The following PAIP2 variants were observed in gnomAD, a reference collection of about 807,000 sequenced individuals.
The protein encoded by PAIP2 is polyadenylate-binding protein-interacting protein 2.
PAIP2 carries 7 observed loss-of-function variants against 14.8 expected under a neutral mutation model. That is an observed-to-expected ratio of 0.47 (90% CI 0.27 to 0.89). The LOEUF (loss-of-function observed/expected upper bound fraction) is 0.89, where lower values mean the gene tolerates loss of function less well. Among genes scored for constraint, PAIP2 ranks in the 40% least tolerant of loss-of-function variants. PAIP2 has a pLI of 0.13. For synonymous variants in PAIP2, 47 were observed against 45.3 expected, an observed-to-expected ratio of 1.04 and a Z score of -0.15; for missense variants, 122 against 154.7, an observed-to-expected ratio of 0.79 and a Z score of 1.12.
At chr5:139,362,923 G>A (rs988432792) in intron 1 of PAIP2, among the ~76,000 whole-genome samples, 10 of 152,104 alleles carry the variant, frequency 6.6e-5, no homozygotes, top group Admixed American at 3.9e-4. Context: ...AGCAACTGAT[G>A]GACTTCATTT....
intron 1 of PAIP2, among the ~76,000 whole-genome samples, chr5:139,356,446 G>T (rs1756914969): frequency 6.6e-6 from 1 of 152,062 alleles, no homozygotes; most frequent in East Asian, 1.9e-4. Context: ...AACACTCCTC[G>T]TCAAAAATAA....
In PAIP2 at chr5:139,359,815, C is replaced by A. The variant is rs1212554107; in HGVS notation, c.-26-3944C>A. Among the ~76,000 whole-genome samples the A allele has an allele frequency of 4.0e-5, 6 of 151,110 alleles. No individual in the cohort carries two copies. The East Asian group carries it at 1.0e-3, about 26-fold the overall frequency. On this transcript the variant is annotated intron_variant, in intron 1 of 3. Coordinates refer to ENST00000265192, the MANE Select transcript of PAIP2 (RefSeq NM_016480.5). ...TGAAACCCTGTCTCTACTAAAAATA[C>A]AAAAAAATTAGCCGGCCATGGTGGC...
chr5:139,348,712 CTT>C (rs1367390763), intron 1 of PAIP2, among the ~76,000 whole-genome samples: 1 of 143,744 alleles, frequency 7.0e-6, no homozygotes, highest in African/African-American at 2.6e-5. Flanking sequence ...GAGTTTCACT[CTT>C]ATTGCTTAGG....
intron 3 of PAIP2, chr5:139,367,696 G>T (rs1484676505): frequency 6.6e-6 from 1 of 151,616 alleles, no homozygotes. Flanking sequence ...GGATTCTAAA[G>T]TAAAATCAGC....
chr5:139,364,465 T>A, intron 2 of PAIP2, 99 bp from the exon 3 acceptor site: 1 of 651,274 alleles, frequency 1.5e-6, no homozygotes, highest in Non-Finnish European at 2.5e-6. Flanking sequence ...AAAGAAAGTA[T>A]GACTTTGTGC....
intron 1 of PAIP2, among the ~76,000 whole-genome samples, chr5:139,360,814 T>C (rs1757048606): frequency 6.6e-6 from 1 of 151,940 alleles, no homozygotes. Context: ...AGGGTCTTGC[T>C]TTCTTGCCCA....
At position 139,363,635 on chromosome 5, in the gene PAIP2, C is replaced by CTGG. The variant is rs1757135922; in HGVS notation, c.-26-124_-26-123insTGG. Reference sequence around the variant, plus strand: ...TACTTGGGAGGCTGAGGCAAGAGATCGAGGCTGTGGTGAGCCATGATCACA... The same window carrying CTGG: ...TACTTGGGAGGCTGAGGCAAGAGATCTGGGAGGCTGTGGTGAGCCATGATCACA... On this transcript the variant is annotated intron_variant, in intron 1 of 3. Transcript: ENST00000265192. The CTGG allele has an allele frequency of 6.5e-5, 48 of 733,100 alleles. No individual in the cohort carries two copies. The African/African-American group carries it at 8.1e-4, about 12-fold the overall frequency. The allele number at this position is 733,100 out of a possible 1,614,324, so 45.4% of individuals were successfully genotyped here. A position where few individuals can be genotyped will look rare whatever the true frequency, so the allele number is the denominator to read the frequency against.
rs1183378373 is a variant in PAIP2, at chr5:139,368,758, C to T, written c.344C>T (p.Ala115Val). 2 of 1,613,270 alleles carry T rather than the reference C, an allele frequency of 1.2e-6. No homozygotes were observed. The highest frequency in any genetic ancestry group is 2.7e-5 in the African/African-American group (2 of 74,834). The stretch of plus-strand genomic sequence containing the variant: ...GTCAAGAGCAATCTGAATCCAAATG[C>T]AAAGGAGTTTGTTCCTGGGGTGAAG... The part of the protein sequence containing the change: ...LVVKSNLNPN[A>V]KEFVPGVKYG... Residue 115 changes from alanine (A) to valine (V), a missense_variant, in exon 4 of 4, where the codon GCA (alanine) becomes GTA (valine). This residue lies in a region of PAIP2 where 46 missense variants were observed against 44.0 expected (regional missense o/e 1.05). Transcript: ENST00000265192.
rs371548085 is a variant in PAIP2 at position 139,363,849 on chromosome 5, G to T, written c.65G>T (p.Gly22Val). 1.9e-6 allele frequency: 3 copies of T among 1,613,574 alleles called. No individual in the cohort carries two copies. The highest frequency in any genetic ancestry group is 2.5e-6 in the Non-Finnish European group (3 of 1,179,578). The change falls in exon 2 of 4, where the codon GGT becomes GTT. Residue 22 changes from glycine (G) to valine (V), a missense_variant. Gly to Val is a moderately radical substitution (Grantham distance 109). Transcript: ENST00000265192. ...ATCAATGAAGATGTGATTATTAACG[G>T]TCATTCTCATGAAGATGACAATCCA... ...SIINEDVIIN[G>V]HSHEDDNPFA...
intron 1 of PAIP2, among the ~76,000 whole-genome samples, chr5:139,360,266 A>C (rs1038774112): frequency 3.3e-5 from 5 of 151,294 alleles, no homozygotes; most frequent in Non-Finnish European, 7.4e-5. Flanking sequence ...CACCCAGTCT[A>C]ATTATTTTCT....
In PAIP2 at chr5:139,345,034, T is replaced by TTTG. The variant is rs369393131; in HGVS notation, c.-27+3078_-27+3080dup. Among the ~76,000 whole-genome samples the TTTG allele has an allele frequency of 4.1e-3, 629 of 151,752 alleles. 3 individuals are homozygous for TTTG. Among genetic ancestry groups the TTTG allele is most frequent in the South Asian group, 7.5e-3 (36 of 4,780 alleles). On this transcript the variant is annotated intron_variant, in intron 1 of 3. Coordinates refer to ENST00000265192, the MANE Select transcript of PAIP2 (RefSeq NM_016480.5). ...AGCCTGGTTCCAGAGCCCATGGGTT[T>TTTG]TTGTTGTTGTTGTTGTTGTTGTTGT...
intron 1 of PAIP2, among the ~76,000 whole-genome samples, chr5:139,357,817 C>T (rs937417069): frequency 1.3e-5 from 2 of 152,204 alleles, no homozygotes; most frequent in Admixed American, 6.5e-5. Context: ...GGCAACAGAG[C>T]GAGATTCCAT....
chr5:139,350,997 A>G (rs940481396), intron 1 of PAIP2, among the ~76,000 whole-genome samples: 47 of 152,178 alleles, frequency 3.1e-4, no homozygotes, highest in Non-Finnish European at 2.4e-4. Flanking sequence ...TAAAAACTTG[A>G]AACTATAAAA....
In PAIP2 at chr5:139,364,723, T is replaced by C. The variant is rs1240092236; in HGVS notation, c.298T>C (p.Ser100Pro). 1 of 1,605,820 alleles carries C rather than the reference T, an allele frequency of 6.2e-7. No homozygotes were observed. Among genetic ancestry groups the C allele is most frequent in the South Asian group, 1.1e-5 (1 of 89,082 alleles). The change falls in exon 3 of 4, where the codon TCT becomes CCT. Residue 100 changes from serine to proline, a missense_variant. Physicochemically the swap from Ser to Pro is moderately conservative, Grantham distance 74. Coordinates refer to ENST00000265192, the MANE Select transcript of PAIP2 (RefSeq NM_016480.5). ...QFNDLVISDG[S>P]SLEDLVVKSN... ...TAATGACCTTGTTATCAGTGATGGC[T>C]CTTCTCTGGAAGATCTTGTGGTAAA...
At chr5:139,352,822 T>C (rs896247128) in intron 1 of PAIP2, among the ~76,000 whole-genome samples, 26 of 151,406 alleles carry the variant, frequency 1.7e-4, no homozygotes, top group African/African-American at 6.3e-4. Flanking sequence ...AAAGATAAGA[T>C]AGTAACAGAT....
chr5:139,350,209 A>G (rs912212273), intron 1 of PAIP2, among the ~76,000 whole-genome samples: 7 of 151,772 alleles, frequency 4.6e-5, no homozygotes, highest in African/African-American at 1.7e-4. Context: ...TCCTTATGAG[A>G]CAGAAATTCT....
intron 1 of PAIP2, among the ~76,000 whole-genome samples, chr5:139,357,416 T>C (rs759783035): frequency 7.0e-4 from 107 of 152,356 alleles, no homozygotes; most frequent in African/African-American, 2.3e-3. Context: ...ATTGCTACTA[T>C]ATTTACCCTT....
At chr5:139,367,095 A>C (rs1256611221) in intron 3 of PAIP2, 1 of 152,162 alleles carries the variant, frequency 6.6e-6, no homozygotes, top group East Asian at 1.9e-4. Context: ...TTTTTTTCTT[A>C]AACTTCACAC....
chr5:139,359,077 T>C (rs1756997979), intron 1 of PAIP2, among the ~76,000 whole-genome samples: 1 of 152,198 alleles, frequency 6.6e-6, no homozygotes, highest in South Asian at 2.1e-4. Flanking sequence ...CGGGCTAATA[T>C]GATCTTCCCA....
Sources: gnomAD v4.1 joint callset for allele counts (sites outside exome capture counted in the v4.1 genomes callset) on GRCh38, gnomAD v4.1.1 for gene constraint, gnomAD v4.1.1 regional missense constraint, MANE v1.5 for transcripts, NCBI Gene and HGNC (gene_info 2026-07-23, HGNC 2026-07-21) for gene names.